HNF4G: variants seen among roughly 807,000 people sequenced by gnomAD.
The protein encoded by HNF4G is hepatocyte nuclear factor 4 gamma.
HNF4G carries 21 observed loss-of-function variants against 50.9 expected under a neutral mutation model. That is an observed-to-expected ratio of 0.41 (90% confidence interval 0.29 to 0.59). The LOEUF is 0.59. HNF4G is among the 20% of genes least tolerant of loss of function. The probability of loss-of-function intolerance (pLI) is 0.26; values close to 1 mark genes in which losing one functional copy is unlikely to be tolerated. For synonymous variants in HNF4G, 198 were observed against 185.6 expected (o/e 1.07, Z -0.54); for missense variants, 527 against 559.4 (o/e 0.94, Z 0.58).
chr8:75,456,924 T>C (rs1811737872), intron 1 of HNF4G, among the ~76,000 whole-genome samples: 2 of 152,006 alleles, frequency 1.3e-5, no homozygotes, highest in South Asian at 2.1e-4. Flanking sequence ...AAAAAATTAT[T>C]TGTAGAGATG....
At chr8:75,534,879 T>G (rs1329029952), upstream of HNF4G, among the ~76,000 whole-genome samples, 1 of 151,810 alleles carries the variant, frequency 6.6e-6, no homozygotes, top group African/African-American at 2.4e-5. Flanking sequence ...ATAATAAAAC[T>G]ATGTAAGCAA....
At chr8:75,552,946 T>G in intron 4 of HNF4G, 96 bp from the exon 5 acceptor site, 1 of 753,296 alleles carries the variant, frequency 1.3e-6, no homozygotes, top group Non-Finnish European at 2.1e-6. Flanking sequence ...TAGTGCCTAC[T>G]TCTATGGCCT....
chr8:75,517,208 A>G (rs1038797341), intron 2 of HNF4G, among the ~76,000 whole-genome samples: 4 of 152,188 alleles, frequency 2.6e-5, no homozygotes, highest in Admixed American at 2.6e-4. Flanking sequence ...TATGGGAATT[A>G]TGGGAGCTAT....
At chr8:75,448,703 A>C (rs1003828824) in intron 1 of HNF4G, among the ~76,000 whole-genome samples, 1 of 151,950 alleles carries the variant, frequency 6.6e-6, no homozygotes, top group Non-Finnish European at 1.5e-5. Context: ...TTTTTAAAAA[A>C]CACCTAAAAG....
chr8:75,413,513 C>T (rs1398800956), intron 1 of HNF4G, among the ~76,000 whole-genome samples: 1 of 152,070 alleles, frequency 6.6e-6, no homozygotes, highest in Non-Finnish European at 1.5e-5. Flanking sequence ...TTATATTTCT[C>T]AGCAATGACT....
At chr8:75,503,654 T>C (rs910267933) in intron 2 of HNF4G, among the ~76,000 whole-genome samples, 1 of 152,206 alleles carries the variant, frequency 6.6e-6, no homozygotes, top group Non-Finnish European at 1.5e-5. Flanking sequence ...TACCTATAAA[T>C]ACCCTTACTC....
chr8:75,522,732 T>C lies in HNF4G; in HGVS notation c.-23-21079T>C, dbSNP rs974422581. Among the ~76,000 whole-genome samples, 20 of 152,188 alleles carry C rather than the reference T, an allele frequency of 1.3e-4. 1 individual carries two copies. Among genetic ancestry groups the C allele is most frequent in the Non-Finnish European group, 2.8e-4 (19 of 68,038 alleles). ...GGGGAGCAGGCAAAATCATCTGCCA[T>C]TGGAAACCACTGATGTAGCCGCCTG... On this transcript the variant is annotated intron_variant, in intron 2 of 10. Coordinates refer to the HNF4G transcript ENST00000354370.
chr8:75,437,609 A>G (rs978657350), intron 1 of HNF4G, among the ~76,000 whole-genome samples: 2 of 152,182 alleles, frequency 1.3e-5, no homozygotes, highest in African/African-American at 4.8e-5. Flanking sequence ...CAGGAGGTGC[A>G]GGGTGCAGTG....
rs1807119189 is a variant in HNF4G at position 75,556,175 on chromosome 8, A to G, written c.733+106A>G. Reference sequence around the variant, plus strand: ...ACCAAGTATTTACAGACACTGGCAAATGGTGCTGTCACTTCACAGGTTTAA... The same window carrying G: ...ACCAAGTATTTACAGACACTGGCAAGTGGTGCTGTCACTTCACAGGTTTAA... On this transcript the variant is annotated intron_variant, in intron 6 of 9. Transcript: ENST00000396423. 9 of 488,886 alleles carry G rather than the reference A, an allele frequency of 1.8e-5. No homozygotes were observed. The East Asian group carries it at 2.9e-4, about 16-fold the overall frequency. 30.3% of individuals were successfully genotyped at this position (488,886 alleles called of 1,614,324 possible). A position where few individuals can be genotyped will look rare whatever the true frequency, so the allele number is the denominator to read the frequency against.
chr8:75,463,462 TG>T (rs1033619529), intron 1 of HNF4G, among the ~76,000 whole-genome samples: 6 of 152,178 alleles, frequency 3.9e-5, no homozygotes. Context: ...ACTCCTGATT[TG>T]AAAGGCTAGG....
chr8:75,527,869 G>A (rs994619994), intron 2 of HNF4G, among the ~76,000 whole-genome samples: 8 of 152,058 alleles, frequency 5.3e-5, no homozygotes, highest in African/African-American at 1.2e-4. Flanking sequence ...AGTAAAATTC[G>A]ATACTTTCTC....
At chr8:75,534,221 A>C (rs1563544525) in intron 2 of HNF4G, among the ~76,000 whole-genome samples, 1 of 151,940 alleles carries the variant, frequency 6.6e-6, no homozygotes. Flanking sequence ...AACGAAATGC[A>C]GAAATAGTGA....
chr8:75,480,950 C>A (rs1409171500), intron 1 of HNF4G, among the ~76,000 whole-genome samples: 4 of 152,110 alleles, frequency 2.6e-5, no homozygotes, highest in Non-Finnish European at 1.5e-5. Flanking sequence ...CTCCTGGCCT[C>A]AGGTGATCCA....
intron 2 of HNF4G, among the ~76,000 whole-genome samples, chr8:75,514,869 C>A (rs1464334834): frequency 6.6e-6 from 1 of 151,812 alleles, no homozygotes. Flanking sequence ...TCTCTTTCAA[C>A]CTCCCTCCAT....
At chr8:75,472,566 G>A (rs1812139554) in intron 1 of HNF4G, among the ~76,000 whole-genome samples, 2 of 152,196 alleles carry the variant, frequency 1.3e-5, no homozygotes, top group Non-Finnish European at 1.5e-5. Flanking sequence ...CCCTTAGTAA[G>A]TAAAGATACA....
chr8:75,504,212 CTT>C (rs1181149143), intron 2 of HNF4G, among the ~76,000 whole-genome samples: 1 of 146,614 alleles, frequency 6.8e-6, no homozygotes, highest in Non-Finnish European at 1.5e-5. Context: ...CAGAGTAAGA[CTT>C]TGTCCAAAGC....
rs1007130157 is a variant in HNF4G at position 75,446,763 on chromosome 8, T to C, written c.-144+38601T>C. ...CTCTTCAAGGAGAACTACAAACCACTGCTCAAGGAAATAAAAGAGGATACA... is the reference window on the plus strand; with the variant it reads ...CTCTTCAAGGAGAACTACAAACCACCGCTCAAGGAAATAAAAGAGGATACA... On this transcript the variant is annotated intron_variant, in intron 1 of 10. Coordinates refer to the HNF4G transcript ENST00000354370. Among the ~76,000 whole-genome samples the C allele has an allele frequency of 9.3e-4, 105 of 112,530 alleles. 2 individuals carry two copies. The highest frequency in any genetic ancestry group is 3.4e-3 in the African/African-American group (81 of 23,620). The allele number at this position is 112,530 out of a possible 152,430, so 73.8% of individuals were successfully genotyped here. A position where few individuals can be genotyped will look rare whatever the true frequency, so the allele number is the denominator to read the frequency against.
intron 1 of HNF4G, among the ~76,000 whole-genome samples, chr8:75,453,539 T>C (rs938416879): frequency 1.6e-5 from 2 of 123,326 alleles, no homozygotes; most frequent in Non-Finnish European, 3.2e-5. Flanking sequence ...GGCAACCTGC[T>C]AGGGTTCCTT....
intron 2 of HNF4G, among the ~76,000 whole-genome samples, chr8:75,502,433 A>G (rs1417102260): frequency 6.6e-6 from 1 of 152,178 alleles, no homozygotes; most frequent in African/African-American, 2.4e-5. Flanking sequence ...TTTTAGGTAA[A>G]TGTTAATTTT....
Sources: gnomAD v4.1 joint callset for allele counts (sites outside exome capture counted in the v4.1 genomes callset) on GRCh38, gnomAD v4.1.1 for gene constraint, MANE v1.5 for transcripts, NCBI Gene and HGNC (gene_info 2026-07-23, HGNC 2026-07-21) for gene names.